Variants in FBXO38 observed in about 807,000 individuals in gnomAD.
FBXO38 encodes F-box only protein 38.
A neutral mutation model predicts 131.9 loss-of-function variants in FBXO38; 53 were observed. That is an observed-to-expected ratio of 0.40 (90% CI 0.32 to 0.51). FBXO38 has a LOEUF of 0.51. FBXO38 is among the 20% of genes least tolerant of loss of function. The probability of loss-of-function intolerance (pLI) is 0.53; values close to 1 mark genes in which losing one functional copy is unlikely to be tolerated. For missense variants in FBXO38, 1,076 were observed against 1,475.6 expected (o/e 0.73, Z 4.44); for synonymous variants, 452 against 505.6 (o/e 0.89, Z 1.42).
At chr5:148,439,007 T>C (rs1439163494) in intron 18 of FBXO38, among the ~76,000 whole-genome samples, 1 of 152,174 alleles carries the variant, frequency 6.6e-6, no homozygotes, top group Non-Finnish European at 1.5e-5. Context: ...GTAATCAGTG[T>C]GTAAGCCTGG....
chr5:148,436,907 C>T (rs924559123), intron 17 of FBXO38, among the ~76,000 whole-genome samples: 3 of 152,232 alleles, frequency 2.0e-5, no homozygotes, highest in Non-Finnish European at 4.4e-5. Flanking sequence ...TCTTCAAAAG[C>T]TCAGAGATTG....
At chr5:148,386,869 C>G (rs1424553519) in intron 1 of FBXO38, among the ~76,000 whole-genome samples, 3 of 151,968 alleles carry the variant, frequency 2.0e-5, no homozygotes, top group African/African-American at 2.4e-5. Context: ...AGCATTATAT[C>G]TAAAGTAATG....
chr5:148,404,589 G>A (rs1328001088), intron 5 of FBXO38, 96 bp from the exon 6 acceptor site: 1 of 1,060,448 alleles, frequency 9.4e-7, no homozygotes, highest in Admixed American at 3.7e-5. Context: ...AGGTTAAGCT[G>A]TTAATATGAA....
intron 3 of FBXO38, among the ~76,000 whole-genome samples, chr5:148,401,618 G>A (rs1411244856): frequency 6.6e-6 from 1 of 152,134 alleles, no homozygotes; most frequent in African/African-American, 2.4e-5. Context: ...ACCCATGGGG[G>A]AGGAGGAGGG....
At position 148,427,351 on chromosome 5, in the gene FBXO38, A is replaced by C. The variant is rs764109688; in HGVS notation, c.2057A>C (p.Lys686Thr). ...VTSEQIKADMKAARDIPEKKK... is the reference protein window; with the variant it reads ...VTSEQIKADMTAARDIPEKKK... The stretch of plus-strand genomic sequence containing the variant: ...AGTGAGCAGATCAAAGCCGATATGA[A>C]AGCAGCTAGGGATATTCCTGAAAAG... Residue 686 changes from lysine to threonine, a missense_variant, in exon 15 of 22, where the codon AAA becomes ACA. By Grantham distance (78) the Lys-to-Thr change is moderately conservative (BLOSUM62 -1). Around this residue, in one of 8 missense-constraint regions of FBXO38, gnomAD observed 213 missense variants for 225.2 expected, o/e 0.95. Transcript: ENST00000340253. 1.2e-6 allele frequency: 2 copies of C among 1,614,174 alleles called. No homozygotes were observed. Among genetic ancestry groups the C allele is most frequent in the Non-Finnish European group, 1.7e-6 (2 of 1,180,034 alleles).
chr5:148,404,274 G>T (rs1318782445), intron 5 of FBXO38, among the ~76,000 whole-genome samples: 1 of 152,166 alleles, frequency 6.6e-6, no homozygotes, highest in South Asian at 2.1e-4. Context: ...CTACTAGGGG[G>T]CAGTGGATGT....
At chr5:148,409,032 A>G (rs1752591093) in intron 7 of FBXO38, 92 bp from the exon 8 acceptor site, 2 of 672,596 alleles carry the variant, frequency 3.0e-6, no homozygotes, top group Admixed American at 2.2e-5. Context: ...ATCAGTAATT[A>G]TCATCTCAGA....
At chr5:148,400,409 GAT>G (rs1450175412) in intron 3 of FBXO38, among the ~76,000 whole-genome samples, 1 of 152,078 alleles carries the variant, frequency 6.6e-6, no homozygotes, top group Non-Finnish European at 1.5e-5. Flanking sequence ...ACTCCCATGT[GAT>G]ATAGTCTTAC....
intron 7 of FBXO38, 110 bp downstream of exon 7, chr5:148,406,504 T>G: frequency 1.2e-6 from 1 of 833,586 alleles, no homozygotes; most frequent in Non-Finnish European, 1.8e-6. Context: ...TGCTCGTCAG[T>G]AACTGCTTTC....
chr5:148,433,802 A>G (rs1754182515), intron 17 of FBXO38, 65 bp downstream of exon 17: 1 of 842,510 alleles, frequency 1.2e-6, no homozygotes, highest in African/African-American at 1.7e-5. Context: ...AGGAACTCAT[A>G]AATACTGTAA....
At chr5:148,436,064 G>C (rs1309166904) in intron 17 of FBXO38, among the ~76,000 whole-genome samples, 1 of 152,080 alleles carries the variant, frequency 6.6e-6, no homozygotes, top group Non-Finnish European at 1.5e-5. Flanking sequence ...AAATAATAAT[G>C]AAAAAGTTTG....
At chr5:148,421,008 C>G (rs557516403) in intron 12 of FBXO38, among the ~76,000 whole-genome samples, 2 of 151,724 alleles carry the variant, frequency 1.3e-5, no homozygotes, top group African/African-American at 2.4e-5. Flanking sequence ...ACTCTGTCAC[C>G]CAGACTGGAG....
chr5:148,440,330 T>G, intron 19 of FBXO38, 94 bp from the exon 20 acceptor site: 2 of 745,930 alleles, frequency 2.7e-6, no homozygotes, highest in South Asian at 1.7e-5. Flanking sequence ...TTCGGTAGAA[T>G]CTGTGTCCGA....
At chr5:148,429,929 T>C (rs1206676267) in intron 15 of FBXO38, among the ~76,000 whole-genome samples, 5 of 152,014 alleles carry the variant, frequency 3.3e-5, no homozygotes, top group Non-Finnish European at 5.9e-5. Context: ...GCTTTTATTA[T>C]GTGATTTTTT....
Position 148,417,220 on chromosome 5 carries a change from T to C in FBXO38, c.1618+16T>C, listed in dbSNP as rs1753111707. The C allele has an allele frequency of 2.0e-6, 3 of 1,525,662 alleles. No individual in the cohort carries two copies. The highest frequency in any genetic ancestry group is 2.7e-6 in the Non-Finnish European group (3 of 1,099,900). 94.5% of individuals were successfully genotyped at this position (1,525,662 alleles called of 1,614,324 possible). A position where few individuals can be genotyped will look rare whatever the true frequency, so the allele number is the denominator to read the frequency against. On this transcript the variant is annotated intron_variant, in intron 12 of 21. Coordinates refer to ENST00000340253, the MANE Select transcript of FBXO38 (RefSeq NM_205836.3). ...GCAGCTGACGGTAACCCAGATCTTT[T>C]ATGAGCTCCAGATAGAAATGATTTT...
chr5:148,402,653 T>C, intron 5 of FBXO38, 140 bp downstream of exon 5: 1 of 734,644 alleles, frequency 1.4e-6, no homozygotes, highest in South Asian at 2.6e-5. Flanking sequence ...AAGATCTGTA[T>C]AAAAATTCCG....
intron 12 of FBXO38, among the ~76,000 whole-genome samples, chr5:148,419,278 A>G (rs902544185): frequency 1.3e-5 from 2 of 152,200 alleles, no homozygotes; most frequent in Non-Finnish European, 2.9e-5. Flanking sequence ...AGAAAACATT[A>G]GATTCCACAG....
intron 21 of FBXO38, 42 bp downstream of exon 21, chr5:148,441,279 A>G (rs1413954361): frequency 7.2e-7 from 1 of 1,385,030 alleles, no homozygotes; most frequent in South Asian, 1.2e-5. Context: ...TAGTTTAAGT[A>G]TAGCCTACTG....
At chr5:148,425,968 C>T (rs1339268943) in intron 14 of FBXO38, among the ~76,000 whole-genome samples, 1 of 152,048 alleles carries the variant, frequency 6.6e-6, no homozygotes, top group Non-Finnish European at 1.5e-5. Context: ...ATCAGGGTGT[C>T]AGAGATTAGT....
Sources: gnomAD v4.1 joint callset for allele counts (sites outside exome capture counted in the v4.1 genomes callset) on GRCh38, gnomAD v4.1.1 for gene constraint, gnomAD v4.1.1 regional missense constraint, MANE v1.5 for transcripts, NCBI Gene and HGNC (gene_info 2026-07-23, HGNC 2026-07-21) for gene names.